Variants in C1QTNF3 observed in about 807,000 individuals in gnomAD.
C1QTNF3 encodes complement C1q tumor necrosis factor-related protein 3.
Under a neutral mutation model 32.6 loss-of-function variants are expected in C1QTNF3, and 26 were observed. The ratio of observed to expected loss-of-function variants is 0.80; its 90% CI spans 0.58 to 1.11. C1QTNF3 has a LOEUF of 1.11. Among genes scored for constraint, C1QTNF3 ranks in the 50% least tolerant of loss-of-function variants. The pLI, the probability that C1QTNF3 is intolerant of heterozygous loss-of-function variation, is 0.00. For missense variants in C1QTNF3, 362 were observed against 398.2 expected (o/e 0.91, Z 0.77); for synonymous variants, 155 against 146.0 (o/e 1.06, Z -0.44).
the C1QTNF3 span, among the ~76,000 whole-genome samples, chr5:34,208,927 G>T: frequency 1.3e-5 from 2 of 152,260 alleles, no homozygotes; most frequent in East Asian, 3.9e-4. Context: ...TCAACCAGGG[G>T]TGATTTTCAC....
the C1QTNF3 span, among the ~76,000 whole-genome samples, chr5:34,048,261 AGT>A: frequency 7.3e-6 from 1 of 136,490 alleles, no homozygotes; most frequent in Admixed American, 7.1e-5. Flanking sequence ...TAAGCATGGT[AGT>A]GTGTGTGTGT....
At chr5:34,041,682 G>A (rs990351129) in intron 1 of C1QTNF3, among the ~76,000 whole-genome samples, 10 of 151,918 alleles carry the variant, frequency 6.6e-5, no homozygotes, top group East Asian at 1.9e-4. Context: ...CATTTCTTCC[G>A]TGGCTCCTTA....
rs1193412981 is a variant in C1QTNF3, at chr5:34,035,721, T to C, written c.341A>G (p.Lys114Arg). The C allele has an allele frequency of 6.2e-7, 1 of 1,612,528 alleles. No homozygotes were observed. Among genetic ancestry groups the C allele is most frequent in the Non-Finnish European group, 8.5e-7 (1 of 1,179,662 alleles). ...AAAGCTGTAGTCTCCATGACAACAC[T>C]TACTGCAGTCTGGGGGTAGTCCTCC... is the stretch of plus-strand genomic sequence containing the variant. ...QTGGLPPDCS[K>R]CCHGDYSFRG... The change falls in exon 2 of 6, where the codon AAG becomes AGG. Residue 114 changes from lysine to arginine, a missense_variant. Lys to Arg is a conservative substitution (Grantham distance 26). Transcript: ENST00000382065.
chr5:34,124,101 G>A, the C1QTNF3 span: 9 of 212,594 alleles, frequency 4.2e-5, no homozygotes, highest in Non-Finnish European at 6.5e-5. Context: ...AAAGAAACAT[G>A]CTCCCTTATT....
chr5:34,035,675 A>T lies in C1QTNF3; in HGVS notation c.387T>A (p.Pro129=). 6.2e-7 allele frequency: 1 copy of T among 1,611,104 alleles called. No individual in the cohort carries two copies. Among genetic ancestry groups the T allele is most frequent in the East Asian group, 2.2e-5 (1 of 44,848 alleles). The change falls in exon 2 of 6, where the codon CCT becomes CCA. Residue 129 remains proline, a synonymous_variant. Coordinates refer to ENST00000382065, the MANE Select transcript of C1QTNF3 (RefSeq NM_181435.6). Reference sequence around the variant, plus strand: ...GAATGCCAGGAGGGCCCGGTGGCCCAGGGGGGCCTTGGTAGCCTCGAAAGC... The same window carrying T: ...GAATGCCAGGAGGGCCCGGTGGCCCTGGGGGGCCTTGGTAGCCTCGAAAGC... ...DYSFRGYQGP[P]GPPGPPGIPG...
chr5:34,193,615 CTTT>C, the C1QTNF3 span: 2 of 592,840 alleles, frequency 3.4e-6, no homozygotes, highest in South Asian at 1.6e-5. Flanking sequence ...GGTTTTTTCT[CTTT>C]TTTTTTTGCT....
chr5:34,034,370 C>CA (rs1460682277), intron 2 of C1QTNF3, among the ~76,000 whole-genome samples: 6 of 152,050 alleles, frequency 3.9e-5, no homozygotes, highest in Non-Finnish European at 7.4e-5. Flanking sequence ...AAGTTTTCTA[C>CA]AAAAAACACA....
At chr5:34,041,521 C>T (rs1415831160) in intron 1 of C1QTNF3, among the ~76,000 whole-genome samples, 1 of 152,118 alleles carries the variant, frequency 6.6e-6, no homozygotes, top group Admixed American at 6.5e-5. Context: ...GTCTTGGACA[C>T]AAGTGAAAAT....
upstream of C1QTNF3, chr5:34,043,243 C>T (rs1754919389): frequency 9.1e-7 from 1 of 1,101,692 alleles, no homozygotes; most frequent in Non-Finnish European, 1.3e-6. Flanking sequence ...TGGTTTTATA[C>T]TTTGGTGTGT....
chr5:34,056,442 GTGTGTGTGTGTGTATATATA>G, the C1QTNF3 span, among the ~76,000 whole-genome samples: 16 of 52,102 alleles, frequency 3.1e-4, no homozygotes, highest in South Asian at 7.5e-4. Context: ...GTGTGTGTGT[GTGTGTGTGTGTGTATATATA>G]TATATATATA....
chr5:34,101,186 A>G, the C1QTNF3 span, among the ~76,000 whole-genome samples: 1 of 152,040 alleles, frequency 6.6e-6, no homozygotes, highest in South Asian at 2.1e-4. Context: ...TAATTAGTCA[A>G]TATATCAACC....
At chr5:34,129,869 T>A in the C1QTNF3 span, among the ~76,000 whole-genome samples, 1 of 152,040 alleles carries the variant, frequency 6.6e-6, no homozygotes, top group Non-Finnish European at 1.5e-5. Context: ...TTCTTCAGCA[T>A]CTAATTTTCT....
chr5:34,159,218 T>C, the C1QTNF3 span, among the ~76,000 whole-genome samples: 3 of 152,132 alleles, frequency 2.0e-5, no homozygotes, highest in Non-Finnish European at 4.4e-5. Context: ...AAACCTATAA[T>C]GTTGTTTACT....
chr5:34,162,068 C>G, the C1QTNF3 span, among the ~76,000 whole-genome samples: 1 of 152,028 alleles, frequency 6.6e-6, no homozygotes, highest in Non-Finnish European at 1.5e-5. Context: ...GAAAGGTAGT[C>G]TGAGAGATTA....
At chr5:34,145,206 G>A in the C1QTNF3 span, among the ~76,000 whole-genome samples, 2 of 152,028 alleles carry the variant, frequency 1.3e-5, no homozygotes, top group Non-Finnish European at 2.9e-5. Context: ...CCATACAAAA[G>A]ATACATGAAA....
At chr5:34,040,616 A>G (rs1044108830) in intron 1 of C1QTNF3, among the ~76,000 whole-genome samples, 3 of 152,136 alleles carry the variant, frequency 2.0e-5, no homozygotes, top group Non-Finnish European at 2.9e-5. Flanking sequence ...ATATCTGATT[A>G]CCTCACTGTC....
chr5:34,223,373 T>C, the C1QTNF3 span, among the ~76,000 whole-genome samples: 1 of 149,188 alleles, frequency 6.7e-6, no homozygotes, highest in Non-Finnish European at 1.5e-5. Flanking sequence ...GGCTGCATAG[T>C]ATTCCATGGT....
At chr5:34,155,322 A>C in the C1QTNF3 span, among the ~76,000 whole-genome samples, 1 of 152,234 alleles carries the variant, frequency 6.6e-6, no homozygotes, top group Admixed American at 6.5e-5. Context: ...TTATACACAG[A>C]CATTACAATA....
chr5:34,169,308 G>A, the C1QTNF3 span, among the ~76,000 whole-genome samples: 1 of 151,942 alleles, frequency 6.6e-6, no homozygotes, highest in African/African-American at 2.4e-5. Context: ...GTGAAGTAGA[G>A]TTATTTATTT....
Sources: allele counts gnomAD v4.1 joint callset (sites outside exome capture counted in the v4.1 genomes callset), GRCh38; gene constraint gnomAD v4.1.1; transcripts MANE v1.5; gene names NCBI Gene and HGNC (gene_info 2026-07-23, HGNC 2026-07-21).